KDM4C: variants seen among roughly 807,000 people sequenced by gnomAD.
KDM4C encodes lysine-specific demethylase 4C.
In KDM4C, 81 loss-of-function variants were observed where a neutral mutation model predicts 129.3. The observed-to-expected ratio is 0.63, with a 90% CI of 0.52 to 0.75. The LOEUF is 0.75. KDM4C is among the 30% of genes least tolerant of loss of function. The pLI, the probability that KDM4C is intolerant of heterozygous loss-of-function variation, is 0.00. For missense variants in KDM4C, 1,457 were observed against 1,304.0 expected (o/e 1.12, Z -1.81); for synonymous variants, 573 against 456.1 (o/e 1.26, Z -3.26).
chr9:6,743,183 C>T (rs1263221994), intron 1 of KDM4C, among the ~76,000 whole-genome samples: 1 of 152,116 alleles, frequency 6.6e-6, no homozygotes, highest in African/African-American at 2.4e-5. Flanking sequence ...GCTAGGTAAT[C>T]AATCAATCCT....
At chr9:7,158,009 A>G (rs1014750818) in intron 19 of KDM4C, among the ~76,000 whole-genome samples, 6 of 152,144 alleles carry the variant, frequency 3.9e-5, no homozygotes, top group South Asian at 2.1e-4. Context: ...TTGGTAGGCT[A>G]TTAATTATTG....
chr9:7,004,376 A>G (rs1821273132), intron 12 of KDM4C, among the ~76,000 whole-genome samples: 1 of 152,228 alleles, frequency 6.6e-6, no homozygotes. Context: ...ATATTTTTAT[A>G]ACTATGAAAA....
intron 19 of KDM4C, among the ~76,000 whole-genome samples, chr9:7,137,810 T>C (rs968881961): frequency 2.0e-5 from 3 of 152,176 alleles, no homozygotes; most frequent in Non-Finnish European, 4.4e-5. Context: ...CATAAATTGG[T>C]GACACATCCC....
intron 11 of KDM4C, among the ~76,000 whole-genome samples, chr9:6,988,680 C>CCATG (rs1167823421): frequency 1.2e-4 from 19 of 152,028 alleles, no homozygotes; most frequent in African/African-American, 4.3e-4. Context: ...ATCCATCCAT[C>CCATG]CATCCATCCA....
chr9:7,008,765 A>G (rs1053483863), intron 12 of KDM4C, among the ~76,000 whole-genome samples: 29 of 152,190 alleles, frequency 1.9e-4, no homozygotes, highest in Admixed American at 1.9e-3. Context: ...CAACCCCATG[A>G]ACCCAGGTAC....
intron 5 of KDM4C, among the ~76,000 whole-genome samples, chr9:6,873,082 C>G (rs1018306209): frequency 6.6e-6 from 1 of 152,120 alleles, no homozygotes; most frequent in South Asian, 2.1e-4. Context: ...GCGCACCACT[C>G]CACCTCTTGG....
intron 8 of KDM4C, among the ~76,000 whole-genome samples, chr9:6,976,379 A>G (rs2131754504): frequency 6.6e-6 from 1 of 152,338 alleles, no homozygotes; most frequent in South Asian, 2.1e-4. Flanking sequence ...CTTCACTAAC[A>G]TTAGGGTTAT....
intron 1 of KDM4C, among the ~76,000 whole-genome samples, chr9:6,740,949 T>C (rs2996067): frequency 0.45 from 68,379 of 151,084 alleles, 15,571 homozygotes; most frequent in African/African-American, 0.5. Context: ...CTCAGTCTCC[T>C]GAGTAGCTGG....
At chr9:7,090,077 T>C (rs577687437) in intron 17 of KDM4C, among the ~76,000 whole-genome samples, 1 of 152,320 alleles carries the variant, frequency 6.6e-6, no homozygotes, top group South Asian at 2.1e-4. Flanking sequence ...CCCCCAGCCC[T>C]TCCAGCTCCC....
chr9:6,985,184 C>T (rs753370829), intron 10 of KDM4C, among the ~76,000 whole-genome samples: 8 of 152,222 alleles, frequency 5.3e-5, no homozygotes, highest in Non-Finnish European at 5.9e-5. Context: ...TAGTCACCCC[C>T]GCTAGTCAGT....
At chr9:6,894,250 A>T (rs537589565) in intron 8 of KDM4C, among the ~76,000 whole-genome samples, 2 of 152,266 alleles carry the variant, frequency 1.3e-5, no homozygotes, top group African/African-American at 4.8e-5. Context: ...TTGGCAGCCC[A>T]GGAGTCATTC....
chr9:7,170,826 G>A lies in KDM4C; in HGVS notation c.2994+936G>A, dbSNP rs1237476464. 1.1e-5 allele frequency: 10 copies of A among 950,584 alleles called. No individual in the cohort carries two copies. In the East Asian group the frequency reaches 9.4e-4, roughly 90 times the overall value. The allele number at this position is 950,584 out of a possible 1,614,324, so 58.9% of individuals were successfully genotyped here. A position where few individuals can be genotyped will look rare whatever the true frequency, so the allele number is the denominator to read the frequency against. Reference sequence around the variant, plus strand: ...CCAAGGGTTTTCTTAAATCAGGGATGTCCAATCTTTTTGCATCCCTGGGCC... The same window carrying A: ...CCAAGGGTTTTCTTAAATCAGGGATATCCAATCTTTTTGCATCCCTGGGCC... On this transcript the variant is annotated intron_variant, in intron 21 of 21. Transcript: ENST00000381309.
At chr9:6,760,444 G>GGT (rs1290728063) in intron 1 of KDM4C, among the ~76,000 whole-genome samples, 11 of 95,760 alleles carry the variant, frequency 1.1e-4, no homozygotes, top group South Asian at 3.9e-4. Flanking sequence ...TCTACTCTTG[G>GGT]GTATATATAT....
chr9:6,929,076 G>C (rs976849082), intron 8 of KDM4C, among the ~76,000 whole-genome samples: 3 of 152,098 alleles, frequency 2.0e-5, no homozygotes, highest in African/African-American at 7.2e-5. Context: ...ACACTTCAAG[G>C]CTATCCCAAC....
intron 1 of KDM4C, among the ~76,000 whole-genome samples, chr9:6,769,017 CCCA>C (rs1176309089): frequency 6.6e-6 from 1 of 152,108 alleles, no homozygotes. Context: ...AAATGATCCA[CCCA>C]CCTCAGCCTC....
At chr9:7,145,700 C>T (rs1842160676) in intron 19 of KDM4C, among the ~76,000 whole-genome samples, 1 of 152,216 alleles carries the variant, frequency 6.6e-6, no homozygotes, top group African/African-American at 2.4e-5. Context: ...CAGGAGCCTT[C>T]CTAGTTCTCG....
At chr9:7,033,828 G>C (rs193259706) in intron 15 of KDM4C, among the ~76,000 whole-genome samples, 1 of 152,202 alleles carries the variant, frequency 6.6e-6, no homozygotes, top group Non-Finnish European at 1.5e-5. Flanking sequence ...GACATTACAG[G>C]GAGCCTAACA....
At chr9:7,014,511 A>G (rs1823293934) in intron 14 of KDM4C, among the ~76,000 whole-genome samples, 2 of 152,106 alleles carry the variant, frequency 1.3e-5, no homozygotes, top group African/African-American at 4.8e-5. Flanking sequence ...CTGCACTGGG[A>G]TAGTCTCCAC....
chr9:6,929,145 A>G (rs1823187579), intron 8 of KDM4C, among the ~76,000 whole-genome samples: 1 of 152,188 alleles, frequency 6.6e-6, no homozygotes, highest in Non-Finnish European at 1.5e-5. Flanking sequence ...ATCTCTCTCT[A>G]CAGTGAAATT....
Sources: allele counts gnomAD v4.1 joint callset (sites outside exome capture counted in the v4.1 genomes callset), GRCh38; gene constraint gnomAD v4.1.1; transcripts MANE v1.5; gene names NCBI Gene and HGNC (gene_info 2026-07-23, HGNC 2026-07-21).